FAM219A: variants seen among roughly 807,000 people sequenced by gnomAD.
The protein encoded by FAM219A is protein FAM219A.
FAM219A carries 7 observed loss-of-function variants against 23.4 expected under a neutral mutation model. The observed-to-expected ratio is 0.30, with a 90% CI of 0.17 to 0.56. FAM219A has a LOEUF of 0.56. FAM219A is among the 20% of genes least tolerant of loss of function. FAM219A has a pLI of 0.92. For synonymous variants in FAM219A, 93 were observed against 99.0 expected (o/e 0.94, Z 0.36); for missense variants, 166 against 246.9 (o/e 0.67, Z 2.20).
Position 34,398,594 on chromosome 9 carries a change from G to T in FAM219A, c.*2370C>A. The T allele has an allele frequency of 1.8e-6, 1 of 567,514 alleles. No individual in the cohort carries two copies. The highest frequency in any genetic ancestry group is 3.1e-6 in the Non-Finnish European group (1 of 317,658). The allele number at this position is 567,514 out of a possible 1,614,324, so 35.2% of individuals were successfully genotyped here. A position where few individuals can be genotyped will look rare whatever the true frequency, so the allele number is the denominator to read the frequency against. On this transcript the variant is annotated 3_prime_UTR_variant, in exon 6 of 6. Transcript: ENST00000651358. ...AACTAGTATGTCCTGTGGGGGGGGA[G>T]ATTTTCCCTGGTGTCTCAGGGCCAC... is the stretch of plus-strand genomic sequence containing the variant.
At chr9:34,416,294 G>GGAAGGAAGGAAC (rs1168604424) in intron 1 of FAM219A, among the ~76,000 whole-genome samples, 4 of 145,018 alleles carry the variant, frequency 2.8e-5, no homozygotes, top group Non-Finnish European at 4.7e-5. Flanking sequence ...AAGGAAGGAA[G>GGAAGGAAGGAAC]GAAGGAAGGA....
chr9:34,401,024 G>A lies in FAM219A; in HGVS notation c.498C>T (p.Ser166=), dbSNP rs775532816. 6.2e-7 allele frequency: 1 copy of A among 1,600,194 alleles called. No individual in the cohort carries two copies. The highest frequency in any genetic ancestry group is 8.5e-7 in the Non-Finnish European group (1 of 1,171,514). ...GGCAGCACATGCACGTGGGGTTCACGGACTTGGGGGGGATGAGGTCTAGGT... is the reference window on the plus strand; with the variant it reads ...GGCAGCACATGCACGTGGGGTTCACAGACTTGGGGGGGATGAGGTCTAGGT... ...DEDLDLIPPK[S]VNPTCMCCQA... is the part of the protein sequence containing the mutation. Residue 166 remains serine, a synonymous_variant, in exon 6 of 6, where the codon TCC becomes TCT. Transcript: ENST00000651358.
At chr9:34,426,421 C>T (rs1305674127) in intron 1 of FAM219A, among the ~76,000 whole-genome samples, 2 of 152,136 alleles carry the variant, frequency 1.3e-5, no homozygotes, top group Non-Finnish European at 1.5e-5. Context: ...ACACCCTGGG[C>T]TGTTTTGGAT....
chr9:34,405,856 C>T lies in FAM219A; in HGVS notation c.160+9G>A. On this transcript the variant is annotated intron_variant, in intron 2 of 5. Coordinates refer to ENST00000651358, the MANE Select transcript of FAM219A (RefSeq NM_001184940.2). Reference sequence around the variant, plus strand: ...CCCCACATCTCCCTCACCCCCCAGACACACTCACCCAGCTTCACTTGGAGC... The same window carrying T: ...CCCCACATCTCCCTCACCCCCCAGATACACTCACCCAGCTTCACTTGGAGC... 6.2e-7 allele frequency: 1 copy of T among 1,613,818 alleles called. No individual in the cohort carries two copies. Among genetic ancestry groups the T allele is most frequent in the South Asian group, 1.1e-5 (1 of 91,062 alleles).
intron 1 of FAM219A, among the ~76,000 whole-genome samples, chr9:34,427,048 C>G (rs10972108): frequency 0.021 from 3,159 of 152,220 alleles, 92 homozygotes; most frequent in East Asian, 0.12. Context: ...TGCCACTCTT[C>G]CCCAGGCTTA....
Position 34,398,268 on chromosome 9 carries a change from TA to T in FAM219A, c.*2695del, listed in dbSNP as rs546282754. 722 of 1,549,300 alleles carry T rather than the reference TA, an allele frequency of 4.7e-4. 10 individuals carry two copies. In the East Asian group the frequency reaches 0.017, roughly 36 times the overall value. On this transcript the variant is annotated 3_prime_UTR_variant, in exon 6 of 6. Coordinates refer to ENST00000651358, the MANE Select transcript of FAM219A (RefSeq NM_001184940.2). The stretch of plus-strand genomic sequence containing the variant: ...ATGGTCAATACTGCAATGAAAATGT[TA>T]AAAAAAATATTATACACGGCTCATG...
chr9:34,420,030 A>G lies in FAM219A; in HGVS notation c.61-14066T>C, dbSNP rs539840746. ...AAGATAATTTGCAGCTCTAAAGCTC[A>G]GCTCTCTAGCCAGAGCAGTCTCCTA... is the stretch of plus-strand genomic sequence containing the variant. On this transcript the variant is annotated intron_variant, in intron 1 of 5. Transcript: ENST00000651358. 6.6e-5 allele frequency among the ~76,000 whole-genome samples: 10 copies of G among 152,338 alleles called. No individual in the cohort carries two copies. In the East Asian group the frequency reaches 1.7e-3, roughly 26 times the overall value.
At position 34,446,209 on chromosome 9, in the gene FAM219A, A is replaced by G. The variant is rs562851151; in HGVS notation, c.60+11995T>C. Among the ~76,000 whole-genome samples, 511 of 151,978 alleles carry G rather than the reference A, an allele frequency of 3.4e-3. 4 individuals are homozygous for G. The highest frequency in any genetic ancestry group is 9.8e-3 in the East Asian group (51 of 5,182). On this transcript the variant is annotated intron_variant, in intron 1 of 5. Transcript: ENST00000651358. ...AAAAATGCGGGGCGGGGGGAATTAA[A>G]GATAGGGATAAGACACTGTACCCAT...
rs924458322 is a variant in FAM219A, at chr9:34,434,065, G to A, written c.60+24139C>T. On this transcript the variant is annotated intron_variant, in intron 1 of 5. Coordinates refer to ENST00000651358, the MANE Select transcript of FAM219A (RefSeq NM_001184940.2). ...AAAATACAAAAAATTAGCTGGGTGT[G>A]GTGGCGGGCGTCTGTAGTCCCAGCT... 5.9e-5 allele frequency among the ~76,000 whole-genome samples: 9 copies of A among 152,158 alleles called. No individual in the cohort carries two copies. In the South Asian group the frequency reaches 1.7e-3, roughly 28 times the overall value.
At chr9:34,444,624 T>C (rs1462952339) in intron 1 of FAM219A, among the ~76,000 whole-genome samples, 1 of 152,118 alleles carries the variant, frequency 6.6e-6, no homozygotes, top group Non-Finnish European at 1.5e-5. Flanking sequence ...TACCTAATGC[T>C]GCAAAGGGAG....
chr9:34,425,390 G>A (rs1352452960), intron 1 of FAM219A, among the ~76,000 whole-genome samples: 1 of 152,134 alleles, frequency 6.6e-6, no homozygotes, highest in Non-Finnish European at 1.5e-5. Context: ...TGAGGCAGGA[G>A]AATCTCATGA....
Position 34,458,161 on chromosome 9 carries a change from A to G in FAM219A, c.60+43T>C. On this transcript the variant is annotated intron_variant, in intron 1 of 5. Coordinates refer to ENST00000651358, the MANE Select transcript of FAM219A (RefSeq NM_001184940.2). This position sits in a 1 kb window ranked among gnomAD's most constrained non-coding sequence, Gnocchi z 6.6. ...TGATTCCCTCCCTCCCCCTCAAGCG[A>G]CGCCCCCTCCGGCCTTGGCCTGCCC... is the stretch of plus-strand genomic sequence containing the variant. 1.4e-6 allele frequency: 2 copies of G among 1,479,948 alleles called. No individual in the cohort carries two copies. Among genetic ancestry groups the G allele is most frequent in the Non-Finnish European group, 9.1e-7 (1 of 1,098,394 alleles). The allele number at this position is 1,479,948 out of a possible 1,614,324, so 91.7% of individuals were successfully genotyped here.
chr9:34,415,233 A>C (rs1352087673), intron 1 of FAM219A, among the ~76,000 whole-genome samples: 1 of 152,132 alleles, frequency 6.6e-6, no homozygotes, highest in Non-Finnish European at 1.5e-5. Context: ...GGGTATGGTC[A>C]AGTTCACCAA....
intron 1 of FAM219A, among the ~76,000 whole-genome samples, chr9:34,431,860 G>A (rs555245376): frequency 5.9e-5 from 9 of 152,324 alleles, no homozygotes; most frequent in East Asian, 3.9e-4. Context: ...CACACAGCCC[G>A]GGTCCTTGGG....
chr9:34,457,005 G>C lies in FAM219A; in HGVS notation c.60+1199C>G, dbSNP rs1257829717. On this transcript the variant is annotated intron_variant, in intron 1 of 5. Coordinates refer to ENST00000651358, the MANE Select transcript of FAM219A (RefSeq NM_001184940.2). The surrounding 1 kb of genome is among the most constrained non-coding windows in gnomAD (Gnocchi z 5.1). Reference sequence around the variant, plus strand: ...ACAAAGCACATCTGTCAGCCAGGGGGTTATAGGCCCAAGGGTAGACCTGTT... The same window carrying C: ...ACAAAGCACATCTGTCAGCCAGGGGCTTATAGGCCCAAGGGTAGACCTGTT... 6.6e-6 allele frequency among the ~76,000 whole-genome samples: 1 copy of C among 152,168 alleles called. No individual in the cohort carries two copies. The highest frequency in any genetic ancestry group is 2.1e-4 in the South Asian group (1 of 4,830).
At chr9:34,402,681 A>G (rs768290221) in intron 3 of FAM219A, 24 bp downstream of exon 3, 71 of 1,612,228 alleles carry the variant, frequency 4.4e-5, no homozygotes, top group African/African-American at 5.3e-5. Flanking sequence ...GGCAGGGTCC[A>G]GGTGGGGTAG....
At chr9:34,437,561 T>G (rs1016611300) in intron 1 of FAM219A, among the ~76,000 whole-genome samples, 2 of 152,216 alleles carry the variant, frequency 1.3e-5, no homozygotes, top group African/African-American at 2.4e-5. Context: ...AGTGTTACAG[T>G]TAAGAGCATG....
intron 2 of FAM219A, 47 bp downstream of exon 2, chr9:34,405,818 T>C (rs756114136): frequency 6.4e-7 from 1 of 1,570,032 alleles, no homozygotes; most frequent in African/African-American, 1.4e-5. Context: ...CAGCCCAGAG[T>C]ATCTTGCCTA....
At chr9:34,432,893 T>G (rs886379786) in intron 1 of FAM219A, among the ~76,000 whole-genome samples, 14 of 152,334 alleles carry the variant, frequency 9.2e-5, no homozygotes, top group Admixed American at 1.3e-4. Flanking sequence ...AGATAGTGTC[T>G]CACAATGTTG....
Sources: gnomAD v4.1 joint callset for allele counts (sites outside exome capture counted in the v4.1 genomes callset) on GRCh38, gnomAD v4.1.1 for gene constraint, Gnocchi (gnomAD v3.1) non-coding constraint, MANE v1.5 for transcripts, NCBI Gene and HGNC (gene_info 2026-07-23, HGNC 2026-07-21) for gene names.